Variants in CFAP54 observed in about 807,000 individuals in gnomAD.
CFAP54 encodes the protein cilia and flagella associated protein 54.
A neutral mutation model predicts 370.4 loss-of-function variants in CFAP54; 290 were observed. That is an observed-to-expected ratio of 0.78 (90% CI 0.71 to 0.86). CFAP54 has a LOEUF of 0.86. Among genes scored for constraint, CFAP54 ranks in the 40% least tolerant of loss-of-function variants. The pLI is 0.00. For missense variants in CFAP54, 3,399 were observed against 3,528.7 expected (o/e 0.96, Z 0.93); for synonymous variants, 1,206 against 1,236.5 (o/e 0.98, Z 0.52).
At chr12:96,839,116 C>T (rs182710292) in intron 66 of CFAP54, among the ~76,000 whole-genome samples, 1 of 152,296 alleles carries the variant, frequency 6.6e-6, no homozygotes, top group African/African-American at 2.4e-5. Flanking sequence ...TGGACAGACT[C>T]TGGAGAGTCT....
At chr12:96,797,107 A>G (rs139523518) in intron 63 of CFAP54, among the ~76,000 whole-genome samples, 3 of 152,290 alleles carry the variant, frequency 2.0e-5, no homozygotes, top group African/African-American at 7.2e-5. Context: ...TATTTTGACA[A>G]GTGTTTCTAA....
At chr12:96,509,116 C>T (rs537465476) in intron 4 of CFAP54, among the ~76,000 whole-genome samples, 1 of 152,314 alleles carries the variant, frequency 6.6e-6, no homozygotes, top group African/African-American at 2.4e-5. Context: ...CTCATGCTGA[C>T]TTCCATTGCA....
intron 36 of CFAP54, among the ~76,000 whole-genome samples, chr12:96,656,218 C>T (rs1956921144): frequency 6.6e-6 from 1 of 152,150 alleles, no homozygotes; most frequent in Non-Finnish European, 1.5e-5. Context: ...CTATTTTGAT[C>T]TCCAAATGTC....
At chr12:96,559,402 A>G (rs1216631452) in intron 17 of CFAP54, among the ~76,000 whole-genome samples, 1 of 152,152 alleles carries the variant, frequency 6.6e-6, no homozygotes, top group Non-Finnish European at 1.5e-5. Flanking sequence ...TGTACCCATA[A>G]AAGTTAAAAA....
intron 1 of CFAP54, among the ~76,000 whole-genome samples, chr12:96,498,885 T>A (rs1954989594): frequency 1.3e-5 from 2 of 152,328 alleles, no homozygotes; most frequent in South Asian, 4.1e-4. Context: ...ACATATTTGA[T>A]AAAGGACTGT....
At chr12:96,504,985 C>CTTCT (rs1442567726) in intron 3 of CFAP54, among the ~76,000 whole-genome samples, 1 of 144,136 alleles carries the variant, frequency 6.9e-6, no homozygotes, top group East Asian at 2.3e-4. Flanking sequence ...CCCTTTCTTT[C>CTTCT]TTCTTTCTTT....
intron 65 of CFAP54, among the ~76,000 whole-genome samples, 153 bp downstream of exon 65, chr12:96,818,066 G>A (rs997617623): frequency 6.6e-6 from 1 of 152,180 alleles, no homozygotes; most frequent in Non-Finnish European, 1.5e-5. Context: ...CACATATGTA[G>A]TGTGTCTTCT....
intron 5 of CFAP54, among the ~76,000 whole-genome samples, chr12:96,514,696 A>G (rs916647448): frequency 3.3e-5 from 5 of 152,202 alleles, no homozygotes; most frequent in African/African-American, 1.2e-4. Context: ...TTTTAAAGTG[A>G]CAGTCATCTT....
intron 50 of CFAP54, among the ~76,000 whole-genome samples, chr12:96,730,202 C>A (rs1055776940): frequency 6.6e-6 from 1 of 152,166 alleles, no homozygotes; most frequent in East Asian, 1.9e-4. Flanking sequence ...AAATTGACAT[C>A]ATCCATGAAA....
chr12:96,844,728 A>G (rs1489645443), intron 66 of CFAP54, among the ~76,000 whole-genome samples: 1 of 152,178 alleles, frequency 6.6e-6, no homozygotes, highest in African/African-American at 2.4e-5. Context: ...TCAGCTAGTT[A>G]GTGTCAGAGC....
intron 65 of CFAP54, among the ~76,000 whole-genome samples, chr12:96,825,281 T>C (rs1312563201): frequency 7.9e-6 from 1 of 126,020 alleles, no homozygotes; most frequent in Non-Finnish European, 1.6e-5. Context: ...ACATGTTATA[T>C]TATATATAAT....
Position 96,742,623 on chromosome 12 carries a change from T to G in CFAP54, c.7219+37T>G, listed in dbSNP as rs556819520. 4.5e-6 allele frequency: 7 copies of G among 1,571,720 alleles called. No homozygotes were observed. In the South Asian group the frequency reaches 5.9e-5, roughly 13 times the overall value. ...TGCTTAATCAATGTTTTCATAAAAA[T>G]TAATTTTACATAGGTGAAGAGGGGT... On this transcript the variant is annotated intron_variant, in intron 52 of 67. Transcript: ENST00000524981.
intron 66 of CFAP54, among the ~76,000 whole-genome samples, chr12:96,854,654 G>A (rs1318496236): frequency 1.3e-5 from 2 of 152,106 alleles, no homozygotes; most frequent in Non-Finnish European, 2.9e-5. Flanking sequence ...GTGTTAGGTA[G>A]CCATTTAAAA....
chr12:96,683,815 G>A (rs1957295754), intron 40 of CFAP54, among the ~76,000 whole-genome samples: 1 of 151,570 alleles, frequency 6.6e-6, no homozygotes, highest in South Asian at 2.1e-4. Context: ...TTTTTGAGAT[G>A]GAGTCTCACT....
At chr12:96,575,933 AC>A (rs900671761) in intron 19 of CFAP54, among the ~76,000 whole-genome samples, 1 of 151,992 alleles carries the variant, frequency 6.6e-6, no homozygotes, top group African/African-American at 2.4e-5. Flanking sequence ...AGGAATTGTA[AC>A]CCATTTACAT....
At chr12:96,774,773 T>G (rs1037993253) in intron 60 of CFAP54, among the ~76,000 whole-genome samples, 4 of 152,210 alleles carry the variant, frequency 2.6e-5, no homozygotes, top group African/African-American at 9.6e-5. Flanking sequence ...TTCACATCCC[T>G]TAGGGTGTTT....
chr12:96,493,878 TAAAAAG>T (rs1270494661), intron 1 of CFAP54, among the ~76,000 whole-genome samples: 1 of 151,952 alleles, frequency 6.6e-6, no homozygotes, highest in Non-Finnish European at 1.5e-5. Flanking sequence ...CATTAGAAAT[TAAAAAG>T]AAAAAGAAAA....
intron 66 of CFAP54, among the ~76,000 whole-genome samples, chr12:96,833,330 A>G (rs1286362511): frequency 6.6e-6 from 1 of 152,206 alleles, no homozygotes; most frequent in East Asian, 1.9e-4. Context: ...GTTCTTTAAT[A>G]GAATCTCACA....
chr12:96,710,817 G>A (rs968450158), intron 48 of CFAP54, among the ~76,000 whole-genome samples: 2 of 152,012 alleles, frequency 1.3e-5, no homozygotes, highest in Admixed American at 1.3e-4. Context: ...CTGCCACCAT[G>A]CCCAGCTAAG....
Sources: gnomAD v4.1 joint callset for allele counts (sites outside exome capture counted in the v4.1 genomes callset) on GRCh38, gnomAD v4.1.1 for gene constraint, MANE v1.5 for transcripts, NCBI Gene and HGNC (gene_info 2026-07-23, HGNC 2026-07-21) for gene names.